FGF14: variants seen among roughly 807,000 people sequenced by gnomAD.
FGF14 encodes fibroblast growth factor homologous factor 4.
Under a neutral mutation model 25.5 loss-of-function variants are expected in FGF14, and 5 were observed. The ratio of observed to expected loss-of-function variants is 0.20; its 90% CI spans 0.10 to 0.41. FGF14 has a LOEUF of 0.41. Ranked by LOEUF, FGF14 falls within the 10% of genes least tolerant of loss-of-function variation. The pLI is 1.00. For missense variants in FGF14, 222 were observed against 320.1 expected (o/e 0.69, Z 2.34); for synonymous variants, 138 against 118.3 (o/e 1.17, Z -1.08).
At chr13:101,891,997 G>A (rs897595815) in intron 1 of FGF14, among the ~76,000 whole-genome samples, 3 of 152,088 alleles carry the variant, frequency 2.0e-5, no homozygotes, top group Non-Finnish European at 4.4e-5. Context: ...TTAGAGGTAC[G>A]AAGATGTGAC....
At chr13:101,962,047 C>CT (rs34924382) in intron 1 of FGF14, among the ~76,000 whole-genome samples, 20 of 151,616 alleles carry the variant, frequency 1.3e-4, no homozygotes, top group Middle Eastern at 3.4e-3. Context: ...TTTATACAGG[C>CT]TTTTTTTTGG....
chr13:101,835,532 A>C (rs150602137), intron 3 of FGF14, among the ~76,000 whole-genome samples: 2 of 152,060 alleles, frequency 1.3e-5, no homozygotes, highest in East Asian at 3.9e-4. Flanking sequence ...AATCGATATG[A>C]CTTTTTTTGA....
At chr13:102,292,333 A>C (rs1439132796) in intron 1 of FGF14, 1 of 150,712 alleles carries the variant, frequency 6.6e-6, no homozygotes, top group Non-Finnish European at 1.5e-5. Context: ...TTTTCAAAGC[A>C]GAAGATTTTA....
intron 1 of FGF14, among the ~76,000 whole-genome samples, chr13:102,078,225 T>TA (rs2043452760): frequency 2.0e-5 from 3 of 152,196 alleles, no homozygotes; most frequent in Admixed American, 1.3e-4. Context: ...TCCAATATGG[T>TA]AACTATAGTT....
chr13:101,930,348 A>T (rs558304606), intron 1 of FGF14, among the ~76,000 whole-genome samples: 1 of 152,092 alleles, frequency 6.6e-6, no homozygotes, highest in South Asian at 2.1e-4. Context: ...AATTTCCTGC[A>T]TTAAAATATT....
At chr13:102,186,780 C>A (rs1009726784) in intron 1 of FGF14, among the ~76,000 whole-genome samples, 6 of 152,244 alleles carry the variant, frequency 3.9e-5, no homozygotes, top group Admixed American at 3.9e-4. Flanking sequence ...TGCACACGTA[C>A]ATCTGAGTTA....
At chr13:101,948,775 A>G (rs910491209) in intron 1 of FGF14, among the ~76,000 whole-genome samples, 1 of 152,226 alleles carries the variant, frequency 6.6e-6, no homozygotes, top group Non-Finnish European at 1.5e-5. Context: ...AACATTTGCC[A>G]AAGTTTTTTA....
chr13:102,203,340 T>A (rs2140890365), intron 1 of FGF14, among the ~76,000 whole-genome samples: 1 of 152,334 alleles, frequency 6.6e-6, no homozygotes, highest in South Asian at 2.1e-4. Context: ...ATGTGAAGAC[T>A]TTTGTTATAA....
At chr13:101,794,085 A>G (rs1479816878) in intron 3 of FGF14, among the ~76,000 whole-genome samples, 1 of 151,968 alleles carries the variant, frequency 6.6e-6, no homozygotes, top group Non-Finnish European at 1.5e-5. Flanking sequence ...TTCTGACCAT[A>G]TTCATTCTGT....
chr13:102,288,739 A>G (rs954831402), intron 1 of FGF14, among the ~76,000 whole-genome samples: 1 of 151,928 alleles, frequency 6.6e-6, no homozygotes, highest in Non-Finnish European at 1.5e-5. Context: ...CGCCTGCCAC[A>G]ATGTACAGCT....
At chr13:102,364,508 A>G (rs1412068333) in intron 1 of FGF14, among the ~76,000 whole-genome samples, 1 of 152,186 alleles carries the variant, frequency 6.6e-6, no homozygotes, top group Non-Finnish European at 1.5e-5. Flanking sequence ...TCACTATTTC[A>G]TGCTTAAGAG....
At chr13:101,822,298 T>A (rs1162097487) in intron 3 of FGF14, among the ~76,000 whole-genome samples, 1 of 152,134 alleles carries the variant, frequency 6.6e-6, no homozygotes, top group African/African-American at 2.4e-5. Context: ...GTGGAGACTT[T>A]ACCATAATTC....
At chr13:101,780,710 C>T (rs1163962137) in intron 3 of FGF14, among the ~76,000 whole-genome samples, 2 of 152,074 alleles carry the variant, frequency 1.3e-5, no homozygotes, top group African/African-American at 2.4e-5. Flanking sequence ...ATTTTTCCCA[C>T]TCCCTTCAAA....
intron 1 of FGF14, among the ~76,000 whole-genome samples, chr13:101,997,122 C>G (rs1170045966): frequency 6.6e-6 from 1 of 152,244 alleles, no homozygotes; most frequent in Non-Finnish European, 1.5e-5. Flanking sequence ...CACCACCAGT[C>G]TTGATACTAT....
chr13:102,083,810 G>A lies in FGF14; in HGVS notation c.209-208514C>T, dbSNP rs544069546. ...CAGGTCACAGTCACTCATTGACTCA[G>A]AATAAACTTCTTTAAATATTTTGGC... On this transcript the variant is annotated intron_variant, in intron 1 of 4. Transcript: ENST00000376131. 1.1e-4 allele frequency among the ~76,000 whole-genome samples: 16 copies of A among 152,310 alleles called. 1 individual carries two copies. The highest frequency in any genetic ancestry group is 3.9e-4 in the African/African-American group (16 of 41,558).
intron 1 of FGF14, among the ~76,000 whole-genome samples, chr13:102,128,569 T>C (rs2046048708): frequency 6.6e-6 from 1 of 152,198 alleles, no homozygotes; most frequent in African/African-American, 2.4e-5. Flanking sequence ...GAGTGCTAAT[T>C]CTGAAAAACT....
intron 1 of FGF14, among the ~76,000 whole-genome samples, chr13:102,385,870 A>G (rs913448978): frequency 7.2e-5 from 11 of 152,326 alleles, no homozygotes; most frequent in African/African-American, 2.6e-4. Flanking sequence ...TCAAACAAAA[A>G]TTTAACCTGT....
intron 1 of FGF14, among the ~76,000 whole-genome samples, chr13:102,208,312 T>C (rs1411994105): frequency 6.6e-6 from 1 of 152,232 alleles, no homozygotes; most frequent in African/African-American, 2.4e-5. Context: ...AAAAGGCTTG[T>C]TGTTCAGGAG....
chr13:102,297,333 C>CGACT (rs1366406492), intron 1 of FGF14, among the ~76,000 whole-genome samples: 2 of 151,948 alleles, frequency 1.3e-5, no homozygotes, highest in African/African-American at 2.4e-5. Flanking sequence ...AAAAGACAGA[C>CGACT]GACTCAATGT....
Sources: allele counts gnomAD v4.1 joint callset (sites outside exome capture counted in the v4.1 genomes callset), GRCh38; gene constraint gnomAD v4.1.1; transcripts MANE v1.5; gene names NCBI Gene and HGNC (gene_info 2026-07-23, HGNC 2026-07-21).